The following ST6GALNAC3 variants were observed in gnomAD, a reference collection of about 807,000 sequenced individuals.
ST6GALNAC3 encodes the protein ST6 N-acetylgalactosaminide alpha-2,6-sialyltransferase 3.
Under a neutral mutation model 32.7 loss-of-function variants are expected in ST6GALNAC3, and 25 were observed. The ratio of observed to expected loss-of-function variants is 0.76; its 90% CI spans 0.56 to 1.07. The LOEUF is 1.07. ST6GALNAC3 is among the 50% of genes least tolerant of loss of function. The probability of loss-of-function intolerance (pLI) is 0.00; values close to 1 mark genes in which losing one functional copy is unlikely to be tolerated. For synonymous variants in ST6GALNAC3, 129 were observed against 133.1 expected (o/e 0.97, Z 0.21); for missense variants, 355 against 382.4 (o/e 0.93, Z 0.60).
chr1:76,413,843 C>G (rs1285976532), intron 3 of ST6GALNAC3, among the ~76,000 whole-genome samples: 1 of 152,010 alleles, frequency 6.6e-6, no homozygotes, highest in Non-Finnish European at 1.5e-5. Context: ...AAATATGAAG[C>G]CTATTCACAA....
At chr1:76,603,848 C>G (rs2133177) in intron 3 of ST6GALNAC3, among the ~76,000 whole-genome samples, 128,624 of 152,106 alleles carry the variant, frequency 0.85, 54,388 homozygotes, top group Middle Eastern at 0.87. Flanking sequence ...TAAGCTTGGT[C>G]GTTTATTATT....
chr1:76,434,406 A>C (rs112016667), intron 3 of ST6GALNAC3, among the ~76,000 whole-genome samples: 64 of 152,340 alleles, frequency 4.2e-4, no homozygotes, highest in Middle Eastern at 6.8e-3. Context: ...CTAAAGAATC[A>C]AGCTCACATA....
At chr1:76,312,217 G>A (rs1646779314) in intron 1 of ST6GALNAC3, among the ~76,000 whole-genome samples, 1 of 152,096 alleles carries the variant, frequency 6.6e-6, no homozygotes, top group South Asian at 2.1e-4. Context: ...GGGAAAATTG[G>A]CTACCCATAT....
intron 1 of ST6GALNAC3, among the ~76,000 whole-genome samples, chr1:76,283,097 C>T (rs531574976): frequency 1.3e-5 from 2 of 152,020 alleles, no homozygotes; most frequent in Admixed American, 6.5e-5. Flanking sequence ...TGCCCCTGAA[C>T]GCCCCCATCC....
intron 1 of ST6GALNAC3, among the ~76,000 whole-genome samples, chr1:76,234,034 A>G (rs1475821095): frequency 6.6e-6 from 1 of 152,206 alleles, no homozygotes; most frequent in East Asian, 1.9e-4. Flanking sequence ...ATGTGAAAAT[A>G]TAGGTTGAGA....
At chr1:76,372,289 T>C (rs1342138472) in intron 2 of ST6GALNAC3, among the ~76,000 whole-genome samples, 2 of 152,124 alleles carry the variant, frequency 1.3e-5, no homozygotes, top group African/African-American at 4.8e-5. Flanking sequence ...AATGTAAATT[T>C]TTATTTTTGA....
intron 3 of ST6GALNAC3, among the ~76,000 whole-genome samples, chr1:76,431,784 C>T (rs375787794): frequency 4.6e-5 from 7 of 152,132 alleles, no homozygotes; most frequent in African/African-American, 7.2e-5. Flanking sequence ...ACATCCCCCC[C>T]GCCCAGAGTG....
chr1:76,343,929 A>T (rs1458661101), intron 2 of ST6GALNAC3, among the ~76,000 whole-genome samples: 1 of 152,226 alleles, frequency 6.6e-6, no homozygotes, highest in Admixed American at 6.6e-5. Flanking sequence ...ATATTCATGT[A>T]TTCATCAAAG....
At position 76,348,016 on chromosome 1, in the gene ST6GALNAC3, C is replaced by T. The variant is rs528300686; in HGVS notation, c.213+34017C>T. ...TGAATGTTTGATTTTAATACTTCCT[C>T]AGCAAACTCCGGTAGTAATTGCATA... On this transcript the variant is annotated intron_variant, in intron 2 of 4. Transcript: ENST00000328299. Among the ~76,000 whole-genome samples, 6 of 152,302 alleles carry T rather than the reference C, an allele frequency of 3.9e-5. No homozygotes were observed. The East Asian group carries it at 7.7e-4, about 20-fold the overall frequency.
intron 1 of ST6GALNAC3, among the ~76,000 whole-genome samples, chr1:76,144,843 CTG>C (rs1459039739): frequency 2.0e-5 from 3 of 152,184 alleles, no homozygotes; most frequent in African/African-American, 4.8e-5. Context: ...CCTTGACAAA[CTG>C]TGTAATTTAG....
At chr1:76,160,691 C>T (rs1021460700) in intron 1 of ST6GALNAC3, among the ~76,000 whole-genome samples, 5 of 152,120 alleles carry the variant, frequency 3.3e-5, no homozygotes, top group East Asian at 1.9e-4. Context: ...GCTTCCATCA[C>T]GGAGAAAATC....
chr1:76,567,452 T>A (rs1665620677), intron 3 of ST6GALNAC3, among the ~76,000 whole-genome samples: 1 of 152,150 alleles, frequency 6.6e-6, no homozygotes, highest in Non-Finnish European at 1.5e-5. Context: ...TTAAGCAACA[T>A]GAAAGACTAT....
At chr1:76,417,047 A>G (rs1654692585) in intron 3 of ST6GALNAC3, among the ~76,000 whole-genome samples, 1 of 152,064 alleles carries the variant, frequency 6.6e-6, no homozygotes, top group Non-Finnish European at 1.5e-5. Flanking sequence ...ATATTGGAAT[A>G]CCTTTTTGAA....
intron 1 of ST6GALNAC3, among the ~76,000 whole-genome samples, chr1:76,134,839 C>T (rs1649836072): frequency 6.6e-6 from 1 of 152,154 alleles, no homozygotes; most frequent in African/African-American, 2.4e-5. Context: ...AACATTTTGC[C>T]ATTATAAAAG....
intron 1 of ST6GALNAC3, among the ~76,000 whole-genome samples, chr1:76,094,876 A>AC (rs1368332001): frequency 1.7e-5 from 2 of 118,026 alleles, no homozygotes; most frequent in Non-Finnish European, 3.5e-5. Flanking sequence ...CCTCACCCCC[A>AC]CCCCCCACCG....
At chr1:76,393,672 G>T (rs1448742358) in intron 2 of ST6GALNAC3, among the ~76,000 whole-genome samples, 1 of 152,108 alleles carries the variant, frequency 6.6e-6, no homozygotes, top group Non-Finnish European at 1.5e-5. Context: ...GTCCTGAAGG[G>T]AATCCTTCTG....
Position 76,210,597 on chromosome 1 carries a change from C to G in ST6GALNAC3, c.19-103208C>G, listed in dbSNP as rs115998995. Among the ~76,000 whole-genome samples, 494 of 152,284 alleles carry G rather than the reference C, an allele frequency of 3.2e-3. 4 individuals are homozygous for G. Among genetic ancestry groups the G allele is most frequent in the African/African-American group, 0.012 (480 of 41,558 alleles). On this transcript the variant is annotated intron_variant, in intron 1 of 4. Transcript: ENST00000328299. ...ATAAACAACAGAAATATATTTCTTA[C>G]AGTTCTGGAAGCTGGAAATCTCCAA...
At chr1:76,474,557 T>G (rs1659228796) in intron 3 of ST6GALNAC3, among the ~76,000 whole-genome samples, 1 of 152,168 alleles carries the variant, frequency 6.6e-6, no homozygotes, top group Admixed American at 6.5e-5. Context: ...ATACCACAAC[T>G]TCTATGTAAA....
At chr1:76,547,578 C>G (rs1327549384) in intron 3 of ST6GALNAC3, among the ~76,000 whole-genome samples, 2 of 152,048 alleles carry the variant, frequency 1.3e-5, no homozygotes, top group Non-Finnish European at 2.9e-5. Flanking sequence ...TAATGGTGTA[C>G]TTGGTGGACT....
Sources: allele counts gnomAD v4.1 joint callset (sites outside exome capture counted in the v4.1 genomes callset), GRCh38; gene constraint gnomAD v4.1.1; transcripts MANE v1.5; gene names NCBI Gene and HGNC (gene_info 2026-07-23, HGNC 2026-07-21).